The following HCN1 variants were observed in gnomAD, a reference collection of about 807,000 sequenced individuals.
The protein encoded by HCN1 is potassium/sodium hyperpolarization-activated cyclic nucleotide-gated channel 1.
HCN1 carries 13 observed loss-of-function variants against 78.9 expected under a neutral mutation model. The observed-to-expected ratio is 0.16, with a 90% CI of 0.11 to 0.26. The LOEUF is 0.26. Ranked by LOEUF, HCN1 falls within the 10% of genes least tolerant of loss-of-function variation. The pLI, the probability that HCN1 is intolerant of heterozygous loss-of-function variation, is 1.00. For missense variants in HCN1, 810 were observed against 1,154.3 expected, an observed-to-expected ratio of 0.70 and a Z score of 4.32; for synonymous variants, 552 against 455.5, an observed-to-expected ratio of 1.21 and a Z score of -2.70.
At chr5:45,670,462 C>T (rs1363149845) in intron 1 of HCN1, among the ~76,000 whole-genome samples, 3 of 151,602 alleles carry the variant, frequency 2.0e-5, no homozygotes, top group Non-Finnish European at 4.4e-5. Flanking sequence ...GTGCATTTTC[C>T]TTAAGGGATG....
chr5:45,633,759 T>C (rs575596463), intron 2 of HCN1, among the ~76,000 whole-genome samples: 20 of 152,130 alleles, frequency 1.3e-4, no homozygotes, highest in African/African-American at 4.8e-4. Context: ...TTATTTCGTA[T>C]AGCTAGTATA....
intron 1 of HCN1, among the ~76,000 whole-genome samples, chr5:45,668,768 T>C (rs1250306469): frequency 6.6e-6 from 1 of 151,870 alleles, no homozygotes; most frequent in East Asian, 1.9e-4. Flanking sequence ...AGCATGATGC[T>C]TGTTTTCCAC....
At chr5:45,386,553 C>CT (rs1458001789) in intron 4 of HCN1, among the ~76,000 whole-genome samples, 1 of 152,104 alleles carries the variant, frequency 6.6e-6, no homozygotes, top group African/African-American at 2.4e-5. Context: ...TACTGTGTTG[C>CT]TTTTCTACAA....
intron 1 of HCN1, among the ~76,000 whole-genome samples, chr5:45,658,886 C>T (rs1257927004): frequency 1.4e-5 from 2 of 148,090 alleles, no homozygotes; most frequent in African/African-American, 4.9e-5. Flanking sequence ...GAGGGGCGCC[C>T]GCCATTGCCC....
At chr5:45,340,280 A>G (rs974227843) in intron 5 of HCN1, among the ~76,000 whole-genome samples, 1 of 152,160 alleles carries the variant, frequency 6.6e-6, no homozygotes, top group Non-Finnish European at 1.5e-5. Flanking sequence ...TTCATTATAT[A>G]TTACCTTGAG....
Position 45,266,573 on chromosome 5 carries a change from A to G in HCN1, c.1783+516T>C, listed in dbSNP as rs553383196. On this transcript the variant is annotated intron_variant, in intron 7 of 7. Transcript: ENST00000303230. Reference sequence around the variant, plus strand: ...AAATCAGTTTGTTTAGCTAGCAAAAATAGACATTAATAAATAAACCCAGAA... The same window carrying G: ...AAATCAGTTTGTTTAGCTAGCAAAAGTAGACATTAATAAATAAACCCAGAA... 3.0e-4 allele frequency among the ~76,000 whole-genome samples: 45 copies of G among 152,316 alleles called. 1 individual carries two copies. The highest frequency in any genetic ancestry group is 1.1e-3 in the African/African-American group (44 of 41,570).
intron 2 of HCN1, among the ~76,000 whole-genome samples, chr5:45,608,795 T>C (rs1744776438): frequency 6.6e-6 from 1 of 151,838 alleles, no homozygotes; most frequent in South Asian, 2.1e-4. Context: ...AATTAAAAAC[T>C]TCAGTATATC....
At chr5:45,692,181 A>G (rs1739927627) in intron 1 of HCN1, among the ~76,000 whole-genome samples, 1 of 152,234 alleles carries the variant, frequency 6.6e-6, no homozygotes, top group African/African-American at 2.4e-5. Flanking sequence ...AATCATCCAC[A>G]AAAGTATTCT....
chr5:45,494,561 T>G (rs972662407), intron 2 of HCN1, among the ~76,000 whole-genome samples: 11 of 151,992 alleles, frequency 7.2e-5, no homozygotes, highest in African/African-American at 2.7e-4. Flanking sequence ...GCCTGTTCAC[T>G]CTGATGGTAG....
chr5:45,279,090 C>T (rs1745114405), intron 6 of HCN1, among the ~76,000 whole-genome samples: 3 of 152,030 alleles, frequency 2.0e-5, no homozygotes, highest in African/African-American at 7.2e-5. Flanking sequence ...CAAATAAAAT[C>T]TGGAAAGAAC....
At chr5:45,678,276 G>C (rs7722380) in intron 1 of HCN1, among the ~76,000 whole-genome samples, 32,680 of 151,746 alleles carry the variant, frequency 0.22, 3,924 homozygotes, top group East Asian at 0.32. Context: ...ATAGTTAATG[G>C]AGGAATTTCT....
intron 2 of HCN1, among the ~76,000 whole-genome samples, chr5:45,529,870 C>T (rs1002255056): frequency 6.6e-6 from 1 of 152,008 alleles, no homozygotes; most frequent in African/African-American, 2.4e-5. Context: ...ATATTTTCTA[C>T]AAATTTGCCA....
intron 2 of HCN1, chr5:45,643,307 C>T (rs1249876674): frequency 1.3e-5 from 2 of 151,964 alleles, no homozygotes; most frequent in African/African-American, 2.4e-5. Context: ...GCTAAAACCA[C>T]AAGATATTAA....
rs756131996 is a variant in HCN1, at chr5:45,262,102, C to A, written c.2492G>T (p.Gly831Val). Residue 831 changes from glycine to valine, a missense_variant, in exon 8 of 8, where the codon GGC becomes GTC. This residue lies in a region of HCN1 where 398 missense variants were observed against 381.3 expected (regional missense o/e 1.04). Coordinates refer to ENST00000303230, the MANE Select transcript of HCN1 (RefSeq NM_021072.4). ...AVPGTGLQAG[G>V]RSTVPQRVTL... is the part of the protein sequence containing the mutation. ...GACGCGCTGCGGGACAGTGCTCCTG[C>A]CCCCTGCCTGAAGGCCCGTTCCGGG... 6 of 1,612,756 alleles carry A rather than the reference C, an allele frequency of 3.7e-6. No homozygotes were observed. The highest frequency in any genetic ancestry group is 1.7e-4 in the Middle Eastern group (1 of 6,058).
chr5:45,618,906 C>A (rs955833392), intron 2 of HCN1, among the ~76,000 whole-genome samples: 1 of 151,748 alleles, frequency 6.6e-6, no homozygotes, highest in Non-Finnish European at 1.5e-5. Context: ...GTTTGAAGCA[C>A]CATGCAGACT....
chr5:45,280,770 T>A (rs1484756766), intron 6 of HCN1, among the ~76,000 whole-genome samples: 1 of 152,214 alleles, frequency 6.6e-6, no homozygotes, highest in Admixed American at 6.5e-5. Flanking sequence ...ATAAATAAAC[T>A]TTTTGGGACA....
At chr5:45,604,668 C>T (rs1179399638) in intron 2 of HCN1, among the ~76,000 whole-genome samples, 1 of 151,904 alleles carries the variant, frequency 6.6e-6, no homozygotes. Flanking sequence ...AATGCTTTAG[C>T]TGTAAGAACT....
intron 5 of HCN1, among the ~76,000 whole-genome samples, chr5:45,346,078 A>G (rs1244535138): frequency 6.6e-6 from 1 of 152,194 alleles, no homozygotes; most frequent in Admixed American, 6.5e-5. Flanking sequence ...ATCGACCAAA[A>G]GGGATAAAAG....
chr5:45,557,709 C>CT (rs1383718925), intron 2 of HCN1, among the ~76,000 whole-genome samples: 2 of 152,006 alleles, frequency 1.3e-5, no homozygotes, highest in Non-Finnish European at 2.9e-5. Flanking sequence ...TTATAGTGAT[C>CT]TGTGATCAGT....
Sources: gnomAD v4.1 joint callset for allele counts (sites outside exome capture counted in the v4.1 genomes callset) on GRCh38, gnomAD v4.1.1 for gene constraint, gnomAD v4.1.1 regional missense constraint, MANE v1.5 for transcripts, NCBI Gene and HGNC (gene_info 2026-07-23, HGNC 2026-07-21) for gene names.